NECAB1: variants seen among roughly 807,000 people sequenced by gnomAD.
NECAB1 encodes the protein N-terminal EF-hand calcium-binding protein 1.
NECAB1 carries 29 observed loss-of-function variants against 57.5 expected under a neutral mutation model. That is an observed-to-expected ratio of 0.50 (90% CI 0.38 to 0.69). The LOEUF (loss-of-function observed/expected upper bound fraction) is 0.69. Among genes scored for constraint, NECAB1 ranks in the 30% least tolerant of loss-of-function variants. The probability of loss-of-function intolerance (pLI) is 0.00; values close to 1 mark genes in which losing one functional copy is unlikely to be tolerated. For synonymous variants in NECAB1, 142 were observed against 147.7 expected (o/e 0.96, Z 0.28); for missense variants, 372 against 413.8 (o/e 0.90, Z 0.88).
chr8:90,900,906 T>G (rs919750653), intron 5 of NECAB1, among the ~76,000 whole-genome samples: 1 of 152,240 alleles, frequency 6.6e-6, no homozygotes, highest in Non-Finnish European at 1.5e-5. Context: ...CAGCAGTTTC[T>G]TGATGATTTT....
At chr8:90,813,234 T>TACACACACACAC (rs398008736) in intron 2 of NECAB1, 13 of 85,554 alleles carry the variant, frequency 1.5e-4, no homozygotes, top group South Asian at 7.5e-4. Context: ...TATGTATATA[T>TACACACACACAC]ACACACACAC....
chr8:90,949,655 C>G (rs1810885613), intron 10 of NECAB1, among the ~76,000 whole-genome samples, 152 bp from the exon 11 acceptor site: 1 of 152,172 alleles, frequency 6.6e-6, no homozygotes, highest in Admixed American at 6.5e-5. Context: ...TAAATAAATT[C>G]TTGACAAATC....
At chr8:90,883,017 A>G (rs1050723656) in intron 5 of NECAB1, among the ~76,000 whole-genome samples, 5 of 152,186 alleles carry the variant, frequency 3.3e-5, no homozygotes, top group African/African-American at 1.2e-4. Flanking sequence ...CTCTAATAGG[A>G]AGAAAAAAAC....
At chr8:90,928,424 A>G in intron 8 of NECAB1, 125 bp downstream of exon 8, 1 of 633,602 alleles carries the variant, frequency 1.6e-6, no homozygotes, top group Non-Finnish European at 2.5e-6. Flanking sequence ...CAATGATTCT[A>G]TGAATGGCTG....
chr8:90,923,492 C>CCACT (rs1031051844), intron 6 of NECAB1, among the ~76,000 whole-genome samples: 11 of 152,326 alleles, frequency 7.2e-5, no homozygotes, highest in African/African-American at 2.6e-4. Flanking sequence ...CCCAGCCAGG[C>CCACT]CACTGTACAG....
chr8:90,949,607 C>A (rs1031540022), intron 10 of NECAB1, among the ~76,000 whole-genome samples, 200 bp from the exon 11 acceptor site: 2 of 151,320 alleles, frequency 1.3e-5, no homozygotes, highest in Non-Finnish European at 2.9e-5. Context: ...AACAAATAAA[C>A]AAACAAAAAC....
intron 5 of NECAB1, among the ~76,000 whole-genome samples, chr8:90,915,852 G>C (rs1809939428): frequency 6.6e-6 from 1 of 152,222 alleles, no homozygotes; most frequent in South Asian, 2.1e-4. Flanking sequence ...AGAACTTGGA[G>C]TCTGATATTT....
chr8:90,839,805 G>A (rs72662576), intron 3 of NECAB1, among the ~76,000 whole-genome samples: 4,768 of 152,106 alleles, frequency 0.031, 132 homozygotes, highest in Non-Finnish European at 0.047. Context: ...AGAATCAGTG[G>A]GGTAATCAAA....
chr8:90,873,148 G>A (rs1218600421), intron 4 of NECAB1, among the ~76,000 whole-genome samples: 1 of 152,084 alleles, frequency 6.6e-6, no homozygotes, highest in Non-Finnish European at 1.5e-5. Context: ...CTCCAACAAC[G>A]ACCTTTCAGA....
chr8:90,828,798 G>A (rs1812262273), intron 3 of NECAB1, among the ~76,000 whole-genome samples: 1 of 152,008 alleles, frequency 6.6e-6, no homozygotes, highest in East Asian at 1.9e-4. Flanking sequence ...TGGTACTTGG[G>A]ATATTTTGCA....
intron 9 of NECAB1, among the ~76,000 whole-genome samples, chr8:90,937,879 AC>A (rs1326212483): frequency 1.3e-5 from 2 of 152,146 alleles, no homozygotes; most frequent in African/African-American, 2.4e-5. Flanking sequence ...ATTCTGCCAT[AC>A]ATTCCTAAGG....
chr8:90,861,943 A>T (rs949739829), intron 3 of NECAB1, among the ~76,000 whole-genome samples: 4 of 152,174 alleles, frequency 2.6e-5, no homozygotes, highest in African/African-American at 9.6e-5. Context: ...ATAGCGATGA[A>T]TGGAGGATGT....
intron 3 of NECAB1, among the ~76,000 whole-genome samples, chr8:90,838,060 G>A (rs1383592508): frequency 6.6e-6 from 1 of 152,092 alleles, no homozygotes; most frequent in Non-Finnish European, 1.5e-5. Flanking sequence ...CATAGTCAGA[G>A]AAACATATTC....
chr8:90,815,338 C>A (rs1276478574), intron 2 of NECAB1, among the ~76,000 whole-genome samples: 2 of 152,048 alleles, frequency 1.3e-5, no homozygotes, highest in Non-Finnish European at 2.9e-5. Context: ...ATTCCTAATA[C>A]AGTTAAATTG....
intron 4 of NECAB1, among the ~76,000 whole-genome samples, chr8:90,873,210 A>G (rs2129850550): frequency 6.6e-6 from 1 of 152,342 alleles, no homozygotes; most frequent in Middle Eastern, 3.4e-3. Flanking sequence ...CATAGTGTCC[A>G]TCTCAGGTTC....
Position 90,799,450 on chromosome 8 carries a change from C to G in NECAB1, c.100-2241C>G, listed in dbSNP as rs190175382. On this transcript the variant is annotated intron_variant, in intron 1 of 12. Transcript: ENST00000417640. ...ATTTTTATAGTGTGAGGTCTTATAT[C>G]GAAATTTTTAATCCATCTTGAGTTA... Among the ~76,000 whole-genome samples the G allele has an allele frequency of 1.7e-3, 264 of 152,072 alleles. 1 individual carries two copies. The highest frequency in any genetic ancestry group is 6.1e-3 in the African/African-American group (255 of 41,498).
In NECAB1 at chr8:90,913,380, G is replaced by A. The variant is rs554407828; in HGVS notation, c.358-4112G>A. On this transcript the variant is annotated intron_variant, in intron 5 of 12. Transcript: ENST00000417640. Reference sequence around the variant, plus strand: ...GTGTAACTAATAATTATCATGACACGAATGAACATTATTAGGATCTGAGAA... The same window carrying A: ...GTGTAACTAATAATTATCATGACACAAATGAACATTATTAGGATCTGAGAA... Among the ~76,000 whole-genome samples, 11 of 151,712 alleles carry A rather than the reference G, an allele frequency of 7.3e-5. 1 individual carries two copies. In the South Asian group the frequency reaches 1.2e-3, roughly 17 times the overall value.
At chr8:90,802,465 T>C (rs1358953996) in intron 2 of NECAB1, among the ~76,000 whole-genome samples, 1 of 152,210 alleles carries the variant, frequency 6.6e-6, no homozygotes, top group Non-Finnish European at 1.5e-5. Context: ...TTGTTTTGTT[T>C]TTCTTTTTGC....
chr8:90,798,513 A>G (rs1811701976), intron 1 of NECAB1, among the ~76,000 whole-genome samples: 5 of 152,096 alleles, frequency 3.3e-5, no homozygotes, highest in South Asian at 2.1e-4. Context: ...TGTGTACCCA[A>G]TGTTTAGCTC....
Sources: allele counts gnomAD v4.1 joint callset (sites outside exome capture counted in the v4.1 genomes callset), GRCh38; gene constraint gnomAD v4.1.1; transcripts MANE v1.5; gene names NCBI Gene and HGNC (gene_info 2026-07-23, HGNC 2026-07-21).